Variants in NECAP1 observed in about 807,000 individuals in gnomAD.
The protein encoded by NECAP1 is adaptin ear-binding coat-associated protein 1.
A neutral mutation model predicts 33.4 loss-of-function variants in NECAP1; 13 were observed. The observed-to-expected ratio is 0.39, with a 90% CI of 0.25 to 0.62. The LOEUF is 0.62. NECAP1 is among the 20% of genes least tolerant of loss of function. NECAP1 has a pLI of 0.52. For synonymous variants in NECAP1, 109 were observed against 125.2 expected, an observed-to-expected ratio of 0.87 and a Z score of 0.86; for missense variants, 272 against 347.4, an observed-to-expected ratio of 0.78 and a Z score of 1.73.
Position 8,092,984 on chromosome 12 carries a change from C to T in NECAP1, c.605C>T (p.Ser202Phe), listed in dbSNP as rs376695287. The T allele has an allele frequency of 3.7e-6, 6 of 1,613,746 alleles. No homozygotes were observed. Among genetic ancestry groups the T allele is most frequent in the South Asian group, 2.2e-5 (2 of 91,058 alleles). ...AAAGTCACTATTCCCCCACCATCCT[C>T]CTCAGTTGCCATCAGCAATCATGTC... is the stretch of plus-strand genomic sequence containing the variant. ...GGKVTIPPPS[S>F]SVAISNHVTP... Residue 202 changes from serine (S) to phenylalanine (F), a missense_variant, in exon 6 of 8, where the codon TCC becomes TTC. Ser to Phe is a radical substitution (Grantham distance 155). Coordinates refer to ENST00000339754, the MANE Select transcript of NECAP1 (RefSeq NM_015509.4).
chr12:8,097,716 TA>T lies in NECAP1; in HGVS notation c.*1627del, dbSNP rs1947607493. ...ATGGAAAATGTTTAAGATATATGTA[TA>T]TAAAGTGTATGCTGTATTGGTGCAA... On this transcript the variant is annotated 3_prime_UTR_variant, in exon 8 of 8. Coordinates refer to ENST00000339754, the MANE Select transcript of NECAP1 (RefSeq NM_015509.4). The T allele has an allele frequency of 6.6e-6, 1 of 152,652 alleles. No homozygotes were observed. The highest frequency in any genetic ancestry group is 2.4e-5 in the African/African-American group (1 of 41,466). 9.5% of individuals were successfully genotyped at this position (152,652 alleles called of 1,614,324 possible). A position where few individuals can be genotyped will look rare whatever the true frequency, so the allele number is the denominator to read the frequency against.
At chr12:8,082,463 C>T (rs1439508942) in intron 1 of NECAP1, 80 bp downstream of exon 1, 3 of 1,284,264 alleles carry the variant, frequency 2.3e-6, no homozygotes, top group Non-Finnish European at 3.3e-6. Flanking sequence ...CGCTGTCCGT[C>T]CCTGCCACTA....
At chr12:8,091,943 C>G (rs1947549585) in intron 4 of NECAP1, 93 bp downstream of exon 4, 2 of 1,105,328 alleles carry the variant, frequency 1.8e-6, no homozygotes, top group South Asian at 2.7e-5. Flanking sequence ...CTCCTGGTTT[C>G]TTTGTTTCTT....
Position 8,092,925 on chromosome 12 carries a change from G to C in NECAP1, c.546G>C (p.Gly182=). 6.3e-7 allele frequency: 1 copy of C among 1,594,898 alleles called. No individual in the cohort carries two copies. Among genetic ancestry groups the C allele is most frequent in the Non-Finnish European group, 8.5e-7 (1 of 1,171,042 alleles). ...CTAAGCCCAGGACTGCAAGGGGTGG[G>C]GGTCTGAGCTTACTCCCACCCCCGC... The part of the protein sequence containing the change: ...GASKPRTARG[G]GLSLLPPPPG... Residue 182 remains glycine, a synonymous_variant, in exon 6 of 8, where the codon GGG becomes GGC. Transcript: ENST00000339754.
Position 8,085,686 on chromosome 12 carries a change from C to CTTT in NECAP1, c.95+3330_95+3332dup, listed in dbSNP as rs554942626. Among the ~76,000 whole-genome samples the CTTT allele has an allele frequency of 5.3e-4, 56 of 104,832 alleles. 2 individuals are homozygous for CTTT. Among genetic ancestry groups the CTTT allele is most frequent in the African/African-American group, 2.1e-3 (49 of 23,834 alleles). 68.8% of individuals were successfully genotyped at this position (104,832 alleles called of 152,430 possible). A position where few individuals can be genotyped will look rare whatever the true frequency, so the allele number is the denominator to read the frequency against. ...TTGTAGGATCCTCTCACTTAATCTT[C>CTTT]TTTTTTTTTTTTTTTTTTTTTTTTT... On this transcript the variant is annotated intron_variant, in intron 1 of 7. Transcript: ENST00000339754.
Position 8,090,447 on chromosome 12 carries a change from A to G in NECAP1, c.301+148A>G, listed in dbSNP as rs930407411. On this transcript the variant is annotated intron_variant, in intron 3 of 7. Transcript: ENST00000339754. ...TAAAGTTGCTCTAGTTGCTAAAGGA[A>G]AAGTATTAACATGTTATTTGTAATA... 4.2e-5 allele frequency: 28 copies of G among 660,852 alleles called. No homozygotes were observed. The African/African-American group carries it at 4.5e-4, about 11-fold the overall frequency. The allele number at this position is 660,852 out of a possible 1,614,324, so 40.9% of individuals were successfully genotyped here. A position where few individuals can be genotyped will look rare whatever the true frequency, so the allele number is the denominator to read the frequency against.
intron 1 of NECAP1, among the ~76,000 whole-genome samples, chr12:8,086,663 C>T (rs1244158005): frequency 4.6e-5 from 7 of 151,898 alleles, no homozygotes; most frequent in East Asian, 3.9e-4. Flanking sequence ...AATCTGGGTG[C>T]GGTGGCTCAC....
chr12:8,095,715 A>G lies in NECAP1; in HGVS notation c.779+12A>G. On this transcript the variant is annotated intron_variant, in intron 7 of 7. Coordinates refer to ENST00000339754, the MANE Select transcript of NECAP1 (RefSeq NM_015509.4). The stretch of plus-strand genomic sequence containing the variant: ...AGCACTGCCTCCAGGTAATGGGCAT[A>G]GTGAAACTAGCATACTCTCAATCAG... 1.9e-6 allele frequency: 3 copies of G among 1,585,826 alleles called. No individual in the cohort carries two copies. The highest frequency in any genetic ancestry group is 2.6e-6 in the Non-Finnish European group (3 of 1,154,550).
intron 3 of NECAP1, chr12:8,090,504 T>C (rs1409129319): frequency 3.7e-6 from 2 of 545,136 alleles, no homozygotes; most frequent in East Asian, 3.0e-5. Context: ...TGGTAATTCA[T>C]ATGTAGACTT....
intron 3 of NECAP1, chr12:8,090,730 T>C (rs769290454): frequency 1.3e-5 from 2 of 159,174 alleles, no homozygotes; most frequent in South Asian, 1.7e-4. Flanking sequence ...ATCACTTGAA[T>C]TGGGGAAGTG....
At chr12:8,091,647 C>A in intron 3 of NECAP1, 122 bp from the exon 4 acceptor site, 2 of 774,302 alleles carry the variant, frequency 2.6e-6, no homozygotes, top group East Asian at 2.6e-5. Context: ...TTTGCTCTCT[C>A]GTGTGCAACT....
At chr12:8,082,794 A>T (rs1315406910) in intron 1 of NECAP1, 126 of 159,480 alleles carry the variant, frequency 7.9e-4, no homozygotes, top group Middle Eastern at 3.4e-3. Context: ...ACACACACAC[A>T]CACACACACA....
Position 8,096,053 on chromosome 12 carries a change from A to G in NECAP1, c.791A>G (p.Asn264Ser), listed in dbSNP as rs145154841. 74 of 1,614,142 alleles carry G rather than the reference A, an allele frequency of 4.6e-5. No homozygotes were observed. Among genetic ancestry groups the G allele is most frequent in the East Asian group, 4.2e-4 (19 of 44,884 alleles). The part of the protein sequence containing the change: ...DFSTASSSVP[N>S]QAPQPSNWVQ... The stretch of plus-strand genomic sequence containing the variant: ...CTCCTGTCTTGCAGCTCTGTTCCAA[A>G]CCAGGCACCACAGCCATCCAACTGG... Residue 264 changes from asparagine to serine, a missense_variant, in exon 8 of 8, where the codon AAC becomes AGC. Coordinates refer to ENST00000339754, the MANE Select transcript of NECAP1 (RefSeq NM_015509.4).
intron 1 of NECAP1, chr12:8,089,265 A>G (rs1291908227): frequency 6.6e-6 from 1 of 152,010 alleles, no homozygotes; most frequent in Non-Finnish European, 1.5e-5. Context: ...GAGGGCTCCC[A>G]TTACCTAGGA....
intron 1 of NECAP1, among the ~76,000 whole-genome samples, chr12:8,085,803 A>G (rs1357006027): frequency 6.8e-5 from 10 of 147,318 alleles, no homozygotes; most frequent in Non-Finnish European, 1.2e-4. Flanking sequence ...TCCCAGATTC[A>G]ACTGATTCTC....
rs1323530225 is a variant in NECAP1, at chr12:8,096,327, GAT to G, written c.*238_*239del. ...GTAGTACCAAGGTAGGGGACTAGTG[GAT>G]CTTATCATAGTTTTGGCTGACTATG... On this transcript the variant is annotated 3_prime_UTR_variant, in exon 8 of 8. Transcript: ENST00000339754. 2.2e-6 allele frequency: 1 copy of G among 446,752 alleles called. No homozygotes were observed. The allele number at this position is 446,752 out of a possible 1,614,324, so 27.7% of individuals were successfully genotyped here. A position where few individuals can be genotyped will look rare whatever the true frequency, so the allele number is the denominator to read the frequency against.
Position 8,082,576 on chromosome 12 carries a change from G to GT in NECAP1, c.95+204dup, listed in dbSNP as rs66928724. 2.6e-3 allele frequency among the ~76,000 whole-genome samples: 386 copies of GT among 148,136 alleles called. 1 individual carries two copies. The highest frequency in any genetic ancestry group is 8.6e-3 in the African/African-American group (346 of 40,380). ...GGACTGTCATCACCATATTTCTGCC[G>GT]TTTTTTTTTTTGTTTTGTTTTTTAT... On this transcript the variant is annotated intron_variant, in intron 1 of 7. Coordinates refer to ENST00000339754, the MANE Select transcript of NECAP1 (RefSeq NM_015509.4).
At chr12:8,084,977 A>G (rs907918696) in intron 1 of NECAP1, among the ~76,000 whole-genome samples, 1 of 152,170 alleles carries the variant, frequency 6.6e-6, no homozygotes, top group Admixed American at 6.5e-5. Context: ...TAAGACTCCT[A>G]AAGGATATGA....
intron 3 of NECAP1, chr12:8,091,417 T>C: frequency 1.4e-5 from 4 of 283,194 alleles, no homozygotes; most frequent in South Asian, 4.6e-5. Flanking sequence ...GCGGGAGCCT[T>C]GGGCTTGTTT....
Sources: allele counts gnomAD v4.1 joint callset (sites outside exome capture counted in the v4.1 genomes callset), GRCh38; gene constraint gnomAD v4.1.1; transcripts MANE v1.5; gene names NCBI Gene and HGNC (gene_info 2026-07-23, HGNC 2026-07-21).